The following LMO7 variants were observed in gnomAD, a reference collection of about 807,000 sequenced individuals.
The protein encoded by LMO7 is LIM domain only protein 7.
In LMO7, 120 loss-of-function variants were observed where a neutral mutation model predicts 206.5. The ratio of observed to expected loss-of-function variants is 0.58; its 90% CI spans 0.50 to 0.68. LMO7 has a LOEUF of 0.68. LMO7 is among the 30% of genes least tolerant of loss of function. LMO7 has a pLI of 0.00. For missense variants in LMO7, 1,959 were observed against 1,957.9 expected, an observed-to-expected ratio of 1.00 and a Z score of -0.01; for synonymous variants, 706 against 681.5, an observed-to-expected ratio of 1.04 and a Z score of -0.56.
At chr13:75,821,121 A>C in intron 13 of LMO7, 56 bp from the exon 14 acceptor site, 1 of 1,387,910 alleles carries the variant, frequency 7.2e-7, no homozygotes, top group Non-Finnish European at 9.8e-7. Flanking sequence ...CTCTCTCACC[A>C]CCTCTGTGTG....
chr13:75,719,908 A>C (rs907152114), intron 2 of LMO7, among the ~76,000 whole-genome samples: 3 of 152,198 alleles, frequency 2.0e-5, no homozygotes, highest in African/African-American at 7.2e-5. Context: ...GTTTTGTAAG[A>C]AACTGCCAAA....
chr13:75,717,092 G>A (rs914189857), intron 2 of LMO7, among the ~76,000 whole-genome samples: 3 of 151,740 alleles, frequency 2.0e-5, no homozygotes, highest in Non-Finnish European at 4.4e-5. Context: ...GGCCGGGCGC[G>A]GTGGCTCACG....
chr13:75,760,240 AG>A, intron 3 of LMO7: 1 of 440,110 alleles, frequency 2.3e-6, no homozygotes, highest in Non-Finnish European at 3.0e-6. Flanking sequence ...ATTAGATATG[AG>A]GGCAACCTTG....
chr13:75,808,357 C>T (rs1342740058), intron 10 of LMO7, among the ~76,000 whole-genome samples, 158 bp downstream of exon 10: 5 of 152,146 alleles, frequency 3.3e-5, no homozygotes, highest in African/African-American at 1.2e-4. Context: ...AACCCTCAGT[C>T]GTTTTGTACA....
chr13:75,852,147 A>G (rs975334409), intron 27 of LMO7, among the ~76,000 whole-genome samples: 4 of 152,358 alleles, frequency 2.6e-5, no homozygotes, highest in Admixed American at 2.6e-4. Context: ...TAGACTTAGT[A>G]GAGTATTAGC....
At chr13:75,703,968 A>T (rs989271524) in intron 1 of LMO7, among the ~76,000 whole-genome samples, 1 of 152,166 alleles carries the variant, frequency 6.6e-6, no homozygotes, top group Non-Finnish European at 1.5e-5. Context: ...TCTGTCAAAG[A>T]TGTTGCATCA....
intron 1 of LMO7, among the ~76,000 whole-genome samples, chr13:75,644,225 T>G (rs1253218216): frequency 2.0e-5 from 3 of 152,176 alleles, no homozygotes; most frequent in Non-Finnish European, 4.4e-5. Context: ...ATGTGGCAAG[T>G]GCATTATACC....
chr13:75,822,762 CTATATATATATATATATATA>C (rs66789925), intron 14 of LMO7, among the ~76,000 whole-genome samples: 4 of 108,446 alleles, frequency 3.7e-5, no homozygotes, highest in African/African-American at 7.3e-5. Flanking sequence ...TTTTTAGAAA[CTATATATATATATATATATA>C]TATATATATA....
chr13:75,669,941 A>G (rs967774384), intron 1 of LMO7, among the ~76,000 whole-genome samples: 3 of 152,180 alleles, frequency 2.0e-5, no homozygotes, highest in African/African-American at 7.2e-5. Flanking sequence ...TGTAGAGAAC[A>G]TCTCTGGTCC....
intron 3 of LMO7, among the ~76,000 whole-genome samples, chr13:75,733,254 C>G (rs951504732): frequency 5.9e-5 from 9 of 152,350 alleles, no homozygotes; most frequent in Non-Finnish European, 1.0e-4. Flanking sequence ...GCAGGCAGGC[C>G]TTCTTGAGCT....
intron 23 of LMO7, 107 bp from the exon 24 acceptor site, chr13:75,841,521 T>A: frequency 1.2e-6 from 1 of 804,436 alleles, no homozygotes; most frequent in Non-Finnish European, 2.0e-6. Flanking sequence ...AGTGGAGTCC[T>A]GGGCCAACTA....
chr13:75,711,616 C>T (rs1336337612), intron 1 of LMO7, among the ~76,000 whole-genome samples: 1 of 152,074 alleles, frequency 6.6e-6, no homozygotes, highest in African/African-American at 2.4e-5. Context: ...GTGCGCTGCA[C>T]CCCCCCTGTC....
At chr13:75,660,236 A>T (rs1431275400) in intron 1 of LMO7, among the ~76,000 whole-genome samples, 2 of 152,210 alleles carry the variant, frequency 1.3e-5, no homozygotes, top group African/African-American at 4.8e-5. Context: ...TTTTAGCAAG[A>T]GGGATTAAAA....
At chr13:75,779,798 A>G (rs1052298237) in intron 4 of LMO7, among the ~76,000 whole-genome samples, 1 of 152,194 alleles carries the variant, frequency 6.6e-6, no homozygotes, top group Non-Finnish European at 1.5e-5. Flanking sequence ...AACAGACATT[A>G]TGATTTATGT....
intron 6 of LMO7, among the ~76,000 whole-genome samples, chr13:75,800,482 A>G (rs1019363776): frequency 6.6e-6 from 1 of 152,204 alleles, no homozygotes; most frequent in Admixed American, 6.5e-5. Flanking sequence ...ATACCCCCTT[A>G]TTGTATCAGT....
At chr13:75,849,545 G>A (rs374560686) in intron 27 of LMO7, among the ~76,000 whole-genome samples, 159 of 149,904 alleles carry the variant, frequency 1.1e-3, no homozygotes, top group African/African-American at 3.7e-3. Context: ...CAGGCAAGAC[G>A]CTGACAAAAT....
chr13:75,713,565 A>T (rs9318371), intron 2 of LMO7, among the ~76,000 whole-genome samples: 1 of 152,118 alleles, frequency 6.6e-6, no homozygotes, highest in Admixed American at 6.5e-5. Flanking sequence ...ACATGTTACC[A>T]TTGATCTCTT....
intron 1 of LMO7, among the ~76,000 whole-genome samples, chr13:75,708,913 C>T (rs1284577260): frequency 6.6e-6 from 1 of 152,138 alleles, no homozygotes; most frequent in Non-Finnish European, 1.5e-5. Context: ...CGTCATTTAA[C>T]ATTAGGTATA....
chr13:75,855,945 T>C (rs2060895948), intron 29 of LMO7, among the ~76,000 whole-genome samples: 1 of 152,238 alleles, frequency 6.6e-6, no homozygotes, highest in East Asian at 1.9e-4. Context: ...TTGTTGATCC[T>C]GGAGGCCCGC....
Sources: allele counts gnomAD v4.1 joint callset (sites outside exome capture counted in the v4.1 genomes callset), GRCh38; gene constraint gnomAD v4.1.1; transcripts MANE v1.5; gene names NCBI Gene and HGNC (gene_info 2026-07-23, HGNC 2026-07-21).